Variants in TOR3A observed in about 807,000 individuals in gnomAD.
TOR3A encodes torsin-3A.
A neutral mutation model predicts 42.1 loss-of-function variants in TOR3A; 44 were observed. That is an observed-to-expected ratio of 1.04 (90% confidence interval 0.82 to 1.34). The LOEUF is 1.34. Among genes scored for constraint, TOR3A ranks in the 40% most tolerant of loss-of-function variants. The pLI, the probability that TOR3A is intolerant of heterozygous loss-of-function variation, is 0.00. For missense variants in TOR3A, 521 were observed against 507.6 expected (o/e 1.03, Z -0.25); for synonymous variants, 227 against 213.2 (o/e 1.06, Z -0.57).
chr1:179,085,162 C>CA (rs1269563749), intron 2 of TOR3A, among the ~76,000 whole-genome samples: 3 of 152,212 alleles, frequency 2.0e-5, no homozygotes, highest in African/African-American at 7.2e-5. Flanking sequence ...CGCAATGGCT[C>CA]ACGCCTGTAA....
chr1:179,082,410 C>T lies in TOR3A; in HGVS notation c.259+23C>T, dbSNP rs199612600. ...TGGGTAAGACCCCGTCCCCACGGTC[C>T]GCCGTTCGCTGCGGAGCAGAGTGCG... On this transcript the variant is annotated intron_variant, in intron 1 of 5. Transcript: ENST00000367627. The T allele has an allele frequency of 1.3e-5, 21 of 1,583,810 alleles. No individual in the cohort carries two copies. In the African/African-American group the frequency reaches 2.9e-4, roughly 22 times the overall value.
chr1:179,093,755 G>A (rs1184644482), intron 4 of TOR3A, among the ~76,000 whole-genome samples: 1 of 152,076 alleles, frequency 6.6e-6, no homozygotes, highest in Non-Finnish European at 1.5e-5. Context: ...CTCCATTAGC[G>A]CTTGCCACAC....
chr1:179,095,748 G>A lies in TOR3A; in HGVS notation c.*530G>A, dbSNP rs575981645. On this transcript the variant is annotated 3_prime_UTR_variant, in exon 6 of 6. Transcript: ENST00000367627. Reference sequence around the variant, plus strand: ...ATACACTCTAGGTTTGCAGGCTGGTGGGCTTTCAAATTGGTACTTCCAGAG... The same window carrying A: ...ATACACTCTAGGTTTGCAGGCTGGTAGGCTTTCAAATTGGTACTTCCAGAG... The A allele has an allele frequency of 5.9e-5, 58 of 985,156 alleles. 1 individual carries two copies. The African/African-American group carries it at 1.0e-3, about 18-fold the overall frequency. 61.0% of individuals were successfully genotyped at this position (985,156 alleles called of 1,614,324 possible).
intron 1 of TOR3A, chr1:179,082,607 C>T (rs1652321006): frequency 1.3e-6 from 1 of 742,640 alleles, no homozygotes; most frequent in Non-Finnish European, 2.3e-6. Flanking sequence ...CCCTGGCGCC[C>T]GGCTTCCCGT....
intron 3 of TOR3A, among the ~76,000 whole-genome samples, chr1:179,087,632 C>T (rs1398860228): frequency 6.6e-6 from 1 of 152,172 alleles, no homozygotes; most frequent in African/African-American, 2.4e-5. Context: ...AGAAGGGCTT[C>T]TCCCCACTCC....
Position 179,095,413 on chromosome 1 carries a change from G to GATACAGC in TOR3A, c.*195_*196insATACAGC. 20 of 1,366,494 alleles carry GATACAGC rather than the reference G, an allele frequency of 1.5e-5. No individual in the cohort carries two copies. The highest frequency in any genetic ancestry group is 9.5e-5 in the Admixed American group (3 of 31,664). The allele number at this position is 1,366,494 out of a possible 1,614,324, so 84.6% of individuals were successfully genotyped here. The stretch of plus-strand genomic sequence containing the variant: ...CAAGCCAATCCTTTTTCTTTTTTTT[G>GATACAGC]GAGGTCCCACCGAGATAGATAGGAA... On this transcript the variant is annotated 3_prime_UTR_variant, in exon 6 of 6. Coordinates refer to ENST00000367627, the MANE Select transcript of TOR3A (RefSeq NM_022371.4).
chr1:179,093,985 C>A, intron 4 of TOR3A, 108 bp from the exon 5 acceptor site: 1 of 1,400,168 alleles, frequency 7.1e-7, no homozygotes, highest in Non-Finnish European at 9.7e-7. Context: ...GGTCCACGCC[C>A]CTCAGCCTCT....
chr1:179,090,105 G>A (rs1340325365), intron 4 of TOR3A, among the ~76,000 whole-genome samples: 1 of 139,330 alleles, frequency 7.2e-6, no homozygotes, highest in African/African-American at 2.6e-5. Flanking sequence ...GTGGTTGTGG[G>A]CGGGGTGGGG....
chr1:179,082,364 AG>A lies in TOR3A; in HGVS notation c.238del (p.Glu80ArgfsTer22). ...TGGCCCGACGACTGTGACGAGGACG[AG>A]GAGGCAGCCACGGGGCCCCTGGGTA... ...QVWPDDCDED[E>X]EAATGPLGWR... On this transcript the variant is annotated frameshift_variant, in exon 1 of 6. Coordinates refer to ENST00000367627, the MANE Select transcript of TOR3A (RefSeq NM_022371.4). LOFTEE classifies it high-confidence loss of function. 6.2e-7 allele frequency: 1 copy of A among 1,606,692 alleles called. No homozygotes were observed. Among genetic ancestry groups the A allele is most frequent in the Non-Finnish European group, 8.5e-7 (1 of 1,177,762 alleles).
At chr1:179,082,806 C>T (rs1440761391) in intron 1 of TOR3A, 134 bp from the exon 2 acceptor site, 4 of 733,978 alleles carry the variant, frequency 5.4e-6, no homozygotes, top group South Asian at 1.5e-5. Context: ...CGACAGTGGG[C>T]CGAGTCGGGG....
chr1:179,095,187 T>C lies in TOR3A; in HGVS notation c.1163T>C (p.Ile388Thr). The C allele has an allele frequency of 2.5e-6, 4 of 1,614,070 alleles. No homozygotes were observed. The highest frequency in any genetic ancestry group is 4.5e-5 in the East Asian group (2 of 44,862). The change falls in exon 6 of 6, where the codon ATT becomes ACT. Residue 388 changes from isoleucine (I) to threonine (T), a missense_variant. Transcript: ENST00000367627. Reference sequence around the variant, plus strand: ...TTTTCTTCCCAGGGCTGCAAGTCTATTTCCCAGAGGATTAACTACTTCCTG... The same window carrying C: ...TTTTCTTCCCAGGGCTGCAAGTCTACTTCCCAGAGGATTAACTACTTCCTG... ...QLFSSQGCKS[I>T]SQRINYFLS
At chr1:179,087,859 C>A in intron 3 of TOR3A, 52 bp from the exon 4 acceptor site, 5 of 1,491,550 alleles carry the variant, frequency 3.4e-6, no homozygotes, top group Non-Finnish European at 3.6e-6. Flanking sequence ...CCCTCAAGGC[C>A]GGAGGTGGAA....
At position 179,082,362 on chromosome 1, in the gene TOR3A, CGAG is replaced by C. The variant is rs1024677081; in HGVS notation, c.239_241del (p.Glu80del). On this transcript the variant is annotated inframe_deletion, in exon 1 of 6. Coordinates refer to ENST00000367627, the MANE Select transcript of TOR3A (RefSeq NM_022371.4). ...TGTGGCCCGACGACTGTGACGAGGA[CGAG>C]GAGGCAGCCACGGGGCCCCTGGGTA... 1 of 1,606,638 alleles carries C rather than the reference CGAG, an allele frequency of 6.2e-7. No homozygotes were observed. The highest frequency in any genetic ancestry group is 8.5e-7 in the Non-Finnish European group (1 of 1,177,780).
chr1:179,091,780 A>T (rs923016831), intron 4 of TOR3A: 1 of 152,494 alleles, frequency 6.6e-6, no homozygotes, highest in African/African-American at 2.4e-5. Flanking sequence ...CTGCCAAGGT[A>T]AACAGTGCTG....
At position 179,095,027 on chromosome 1, in the gene TOR3A, T is replaced by C. The variant is rs774465656; in HGVS notation, c.1003T>C (p.Phe335Leu). The change falls in exon 6 of 6, where the codon TTC (phenylalanine) becomes CTC (leucine). Residue 335 changes from phenylalanine to leucine, a missense_variant. Phe to Leu is a conservative substitution (Grantham distance 22). Transcript: ENST00000367627. Reference sequence around the variant, plus strand: ...AAACCTGATTGACTACTTCATCCCCTTCCTGCCTTTGGAGTACCGTCACGT... The same window carrying C: ...AAACCTGATTGACTACTTCATCCCCCTCCTGCCTTTGGAGTACCGTCACGT... ...KENLIDYFIPFLPLEYRHVRL... is the reference protein window; with the variant it reads ...KENLIDYFIPLLPLEYRHVRL... 6.2e-7 allele frequency: 1 copy of C among 1,614,222 alleles called. No individual in the cohort carries two copies. The highest frequency in any genetic ancestry group is 2.2e-5 in the East Asian group (1 of 44,878).
Position 179,095,408 on chromosome 1 carries a change from T to A in TOR3A, c.*190T>A. 1.8e-5 allele frequency: 24 copies of A among 1,359,852 alleles called. No homozygotes were observed. The highest frequency in any genetic ancestry group is 5.8e-5 in the South Asian group (3 of 51,742). 84.2% of individuals were successfully genotyped at this position (1,359,852 alleles called of 1,614,324 possible). The stretch of plus-strand genomic sequence containing the variant: ...GAAGCCAAGCCAATCCTTTTTCTTT[T>A]TTTTGGAGGTCCCACCGAGATAGAT... On this transcript the variant is annotated 3_prime_UTR_variant, in exon 6 of 6. Coordinates refer to ENST00000367627, the MANE Select transcript of TOR3A (RefSeq NM_022371.4).
chr1:179,088,178 A>G, intron 4 of TOR3A, 89 bp downstream of exon 4: 1 of 1,373,970 alleles, frequency 7.3e-7, no homozygotes, highest in Non-Finnish European at 9.8e-7. Context: ...CCAGGTTCAG[A>G]ACCTTTCCTC....
rs1652697537 is a variant in TOR3A, at chr1:179,095,097, A to ATAAAGAAGAGACACTGGATGAAAT, written c.1074_1097dup (p.Lys359_Ile366dup). 6.2e-7 allele frequency: 1 copy of ATAAAGAAGAGACACTGGATGAAAT among 1,614,230 alleles called. No homozygotes were observed. Among genetic ancestry groups the ATAAAGAAGAGACACTGGATGAAAT allele is most frequent in the East Asian group, 2.2e-5 (1 of 44,876 alleles). ...GCCTTCCTGAGCCAGGAGCTCCTGTATAAAGAAGAGACACTGGATGAAATA... is the reference window on the plus strand; with the variant it reads ...GCCTTCCTGAGCCAGGAGCTCCTGTATAAAGAAGAGACACTGGATGAAATTAAAGAAGAGACACTGGATGAAATA... On this transcript the variant is annotated inframe_insertion, in exon 6 of 6. Transcript: ENST00000367627.
chr1:179,088,240 G>A, intron 4 of TOR3A, 151 bp downstream of exon 4: 1 of 851,132 alleles, frequency 1.2e-6, no homozygotes, highest in Non-Finnish European at 1.7e-6. Flanking sequence ...AGCTGTGGTA[G>A]CTCACGCCTG....
Sources: allele counts gnomAD v4.1 joint callset (sites outside exome capture counted in the v4.1 genomes callset), GRCh38; gene constraint gnomAD v4.1.1; transcripts MANE v1.5; gene names NCBI Gene and HGNC (gene_info 2026-07-23, HGNC 2026-07-21).